SLC38A6: variants seen among roughly 807,000 people sequenced by gnomAD.
The protein encoded by SLC38A6 is N system amino acid transporter NAT-1.
A neutral mutation model predicts 65.0 loss-of-function variants in SLC38A6; 73 were observed. The observed-to-expected ratio is 1.12, with a 90% CI of 0.93 to 1.37. The LOEUF (loss-of-function observed/expected upper bound fraction) is 1.37. Among genes scored for constraint, SLC38A6 ranks in the 40% most tolerant of loss-of-function variants. The pLI is 0.00. For synonymous variants in SLC38A6, 183 were observed against 178.8 expected (o/e 1.02, Z -0.19); for missense variants, 561 against 531.1 (o/e 1.06, Z -0.55).
intron 3 of SLC38A6, among the ~76,000 whole-genome samples, chr14:60,991,939 T>C (rs2037920979): frequency 6.6e-6 from 1 of 152,174 alleles, no homozygotes; most frequent in African/African-American, 2.4e-5. Context: ...ATTTTCTTGT[T>C]GCCAGAACTT....
At chr14:60,993,946 G>A (rs1251116651) in intron 3 of SLC38A6, among the ~76,000 whole-genome samples, 23 of 152,192 alleles carry the variant, frequency 1.5e-4, no homozygotes, top group Admixed American at 1.5e-3. Flanking sequence ...AAATACTGGC[G>A]AGGATGTGGG....
intron 3 of SLC38A6, among the ~76,000 whole-genome samples, chr14:61,014,536 T>A (rs2139522098): frequency 6.6e-6 from 1 of 152,320 alleles, no homozygotes; most frequent in East Asian, 1.9e-4. Context: ...TGGTCTTTGA[T>A]GATGGTGACG....
At chr14:61,066,613 G>A (rs2043026305) in intron 15 of SLC38A6, among the ~76,000 whole-genome samples, 1 of 152,182 alleles carries the variant, frequency 6.6e-6, no homozygotes, top group Non-Finnish European at 1.5e-5. Flanking sequence ...TTGTTTGAGT[G>A]TACAGTCATC....
chr14:61,025,643 G>A (rs531947921), intron 5 of SLC38A6, among the ~76,000 whole-genome samples: 88 of 152,198 alleles, frequency 5.8e-4, no homozygotes, highest in Middle Eastern at 3.4e-3. Flanking sequence ...TTTCAGAACA[G>A]TAGATATTTT....
chr14:60,983,573 G>A (rs376809147), intron 2 of SLC38A6, among the ~76,000 whole-genome samples: 1 of 152,178 alleles, frequency 6.6e-6, no homozygotes, highest in South Asian at 2.1e-4. Context: ...AATTGGCTTT[G>A]TCAGTAGAAG....
intron 15 of SLC38A6, among the ~76,000 whole-genome samples, chr14:61,068,568 A>G (rs1469867928): frequency 1.3e-5 from 2 of 152,160 alleles, no homozygotes; most frequent in Non-Finnish European, 2.9e-5. Flanking sequence ...GACCTTTGCA[A>G]GCCGGGCTTC....
intron 4 of SLC38A6, among the ~76,000 whole-genome samples, chr14:61,017,536 C>T (rs1309817096): frequency 6.6e-6 from 1 of 152,174 alleles, no homozygotes; most frequent in East Asian, 1.9e-4. Flanking sequence ...GATCAGTTTC[C>T]TCCATCTAGT....
intron 3 of SLC38A6, among the ~76,000 whole-genome samples, chr14:60,999,304 T>G (rs1010712791): frequency 2.0e-5 from 3 of 152,240 alleles, no homozygotes; most frequent in African/African-American, 7.2e-5. Context: ...CTGTCTTCCT[T>G]TTCCTAAAGA....
At chr14:61,070,091 CA>C (rs2043179786) in intron 15 of SLC38A6, among the ~76,000 whole-genome samples, 2 of 152,214 alleles carry the variant, frequency 1.3e-5, no homozygotes, top group South Asian at 4.1e-4. Context: ...GCCCTCTTAA[CA>C]AACTTGTAAG....
chr14:61,012,507 T>A (rs532128629), intron 3 of SLC38A6, among the ~76,000 whole-genome samples: 4 of 152,354 alleles, frequency 2.6e-5, no homozygotes, highest in Admixed American at 1.3e-4. Flanking sequence ...TCCTGCTTTC[T>A]CTTGTGGGCA....
At chr14:60,987,158 G>T in intron 3 of SLC38A6, 3 of 258,564 alleles carry the variant, frequency 1.2e-5, no homozygotes, top group South Asian at 3.6e-5. Context: ...CTCTGTGGAG[G>T]TAGGCTTTTC....
At chr14:61,019,374 A>T in intron 4 of SLC38A6, among the ~76,000 whole-genome samples, 167 bp from the exon 5 acceptor site, 1 of 152,192 alleles carries the variant, frequency 6.6e-6, no homozygotes, top group East Asian at 1.9e-4. Flanking sequence ...TTTTAATGTG[A>T]TGATTATTAA....
intron 3 of SLC38A6, among the ~76,000 whole-genome samples, chr14:61,012,358 G>A (rs188781996): frequency 6.6e-6 from 1 of 152,056 alleles, no homozygotes; most frequent in African/African-American, 2.4e-5. Context: ...TGATTTTTTT[G>A]CAGGGTTTTT....
chr14:61,083,179 G>A (rs567469595), intron 16 of SLC38A6, among the ~76,000 whole-genome samples: 17 of 152,306 alleles, frequency 1.1e-4, no homozygotes, highest in African/African-American at 4.1e-4. Context: ...CAGCCAGAGA[G>A]CAGCACCAGT....
At chr14:60,981,611 G>A in intron 1 of SLC38A6, 1 of 1,481,132 alleles carries the variant, frequency 6.8e-7, no homozygotes, top group Non-Finnish European at 9.0e-7. Flanking sequence ...AAAAGCGTCG[G>A]GTGGAAGAGA....
chr14:61,030,311 G>T (rs1451568614), intron 5 of SLC38A6, 134 bp from the exon 6 acceptor site: 21 of 522,752 alleles, frequency 4.0e-5, no homozygotes, highest in East Asian at 1.4e-4. Flanking sequence ...ATGTATCTTT[G>T]GTATAGTGTG....
intron 4 of SLC38A6, among the ~76,000 whole-genome samples, chr14:61,018,946 A>G (rs967372207): frequency 2.0e-5 from 3 of 152,166 alleles, no homozygotes; most frequent in African/African-American, 2.4e-5. Flanking sequence ...GAATTCTCCA[A>G]TATCCTACAG....
In SLC38A6 at chr14:61,017,144, C is replaced by T. The variant is rs533327800; in HGVS notation, c.363+1188C>T. On this transcript the variant is annotated intron_variant, in intron 4 of 15. Transcript: ENST00000267488. ...ACAACCTCCGCCTCCCTGGTTCAAG[C>T]GATTCTCCTGCCTCAGCCTCCTAAG... 3.1e-3 allele frequency among the ~76,000 whole-genome samples: 469 copies of T among 152,188 alleles called. 2 individuals carry two copies. The highest frequency in any genetic ancestry group is 0.011 in the African/African-American group (439 of 41,526).
At chr14:60,984,474 A>G (rs2037304540) in intron 2 of SLC38A6, among the ~76,000 whole-genome samples, 1 of 150,982 alleles carries the variant, frequency 6.6e-6, no homozygotes. Flanking sequence ...AAAATGAGGA[A>G]GTTTGCTTGT....
Sources: allele counts gnomAD v4.1 joint callset (sites outside exome capture counted in the v4.1 genomes callset), GRCh38; gene constraint gnomAD v4.1.1; transcripts MANE v1.5; gene names NCBI Gene and HGNC (gene_info 2026-07-23, HGNC 2026-07-21).